Variants in MGMT observed in about 807,000 individuals in gnomAD.
The protein encoded by MGMT is methylated-DNA--protein-cysteine methyltransferase.
In MGMT, 14 loss-of-function variants were observed where a neutral mutation model predicts 15.9. The observed-to-expected ratio is 0.88, with a 90% CI of 0.58 to 1.37. The LOEUF is 1.37. Ranked by LOEUF, MGMT falls within the 40% of genes most tolerant of loss-of-function variation. MGMT has a pLI of 0.00. For synonymous variants in MGMT, 130 were observed against 118.2 expected (o/e 1.10, Z -0.65); for missense variants, 282 against 268.1 (o/e 1.05, Z -0.36).
chr10:129,684,809 G>T (rs188381984), intron 2 of MGMT, among the ~76,000 whole-genome samples: 131 of 152,320 alleles, frequency 8.6e-4, no homozygotes, highest in African/African-American at 3.0e-3. Context: ...AGGAGGAAAT[G>T]CAGAATTCTG....
rs1317435628 is a variant in MGMT, at chr10:129,770,862, C to G, written c.*3865C>G. Among the ~76,000 whole-genome samples the G allele has an allele frequency of 8.1e-6, 1 of 122,786 alleles. No individual in the cohort carries two copies. Among genetic ancestry groups the G allele is most frequent in the Non-Finnish European group, 1.7e-5 (1 of 60,312 alleles). 80.6% of individuals were successfully genotyped at this position (122,786 alleles called of 152,430 possible). A position where few individuals can be genotyped will look rare whatever the true frequency, so the allele number is the denominator to read the frequency against. On this transcript the variant is annotated 3_prime_UTR_variant, in exon 5 of 5. Transcript: ENST00000651593. ...GGGCAGTGGAGTCCCCGGAAACAGTCCAAGGCCCTGGGGTGGGGGATTTAA... is the reference window on the plus strand; with the variant it reads ...GGGCAGTGGAGTCCCCGGAAACAGTGCAAGGCCCTGGGGTGGGGGATTTAA...
intron 1 of MGMT, among the ~76,000 whole-genome samples, chr10:129,520,122 C>T (rs1362899658): frequency 6.6e-6 from 1 of 152,178 alleles, no homozygotes; most frequent in African/African-American, 2.4e-5. Flanking sequence ...GAGCTCATGA[C>T]GTGTTCATCA....
intron 2 of MGMT, among the ~76,000 whole-genome samples, chr10:129,615,699 T>C (rs1847017173): frequency 6.6e-6 from 1 of 152,154 alleles, no homozygotes; most frequent in South Asian, 2.1e-4. Flanking sequence ...GGGTGTGGGC[T>C]GGGTGCATCT....
chr10:129,721,269 T>C (rs1848368006), intron 3 of MGMT, among the ~76,000 whole-genome samples: 1 of 152,278 alleles, frequency 6.6e-6, no homozygotes, highest in Non-Finnish European at 1.5e-5. Context: ...TTCTAGGTTG[T>C]GTGCCCTAGT....
chr10:129,480,033 A>G (rs549783887), intron 1 of MGMT, among the ~76,000 whole-genome samples: 2 of 152,220 alleles, frequency 1.3e-5, no homozygotes, highest in South Asian at 4.1e-4. Flanking sequence ...AACTAGCTAT[A>G]TTTTCCATAA....
chr10:129,684,926 G>A (rs1847888882), intron 2 of MGMT, among the ~76,000 whole-genome samples: 1 of 152,210 alleles, frequency 6.6e-6, no homozygotes, highest in South Asian at 2.1e-4. Context: ...GAACTTGCTG[G>A]AGGAACCAGA....
In MGMT at chr10:129,736,271, A is replaced by T. The variant is rs1041032406; in HGVS notation, c.275-22931A>T. Among the ~76,000 whole-genome samples the T allele has an allele frequency of 7.9e-4, 119 of 150,542 alleles. 1 individual carries two copies. Among genetic ancestry groups the T allele is most frequent in the Admixed American group, 2.2e-3 (33 of 15,150 alleles). On this transcript the variant is annotated intron_variant, in intron 3 of 4. Transcript: ENST00000651593. ...TGTATTGGGTGCATATATATTTAGG[A>T]TAGTTAGCTCTTCTTGTTGAATTGA...
intron 1 of MGMT, among the ~76,000 whole-genome samples, chr10:129,484,804 A>G (rs1294379087): frequency 6.6e-6 from 1 of 152,080 alleles, no homozygotes; most frequent in African/African-American, 2.4e-5. Context: ...CTTTTTTTAA[A>G]AAAAGGTTTT....
intron 3 of MGMT, among the ~76,000 whole-genome samples, chr10:129,725,216 G>A (rs942040444): frequency 5.9e-5 from 9 of 152,328 alleles, no homozygotes; most frequent in South Asian, 4.1e-4. Flanking sequence ...CAGCTTCCAC[G>A]CAAGTGGAAG....
chr10:129,619,307 A>G (rs1455054471), intron 2 of MGMT, among the ~76,000 whole-genome samples: 1 of 152,164 alleles, frequency 6.6e-6, no homozygotes, highest in African/African-American at 2.4e-5. Context: ...GATAAGTGCC[A>G]CTTGCTTTGA....
intron 2 of MGMT, among the ~76,000 whole-genome samples, chr10:129,589,667 C>T (rs759032734): frequency 5.3e-5 from 8 of 152,320 alleles, no homozygotes; most frequent in Non-Finnish European, 7.3e-5. Flanking sequence ...CTATGGCCTG[C>T]GGCGGGGCTG....
chr10:129,614,452 T>A (rs1846998914), intron 2 of MGMT, among the ~76,000 whole-genome samples: 1 of 152,196 alleles, frequency 6.6e-6, no homozygotes, highest in South Asian at 2.1e-4. Flanking sequence ...CTGTGCTCGC[T>A]ATGACTTCTT....
At chr10:129,546,177 T>C (rs376661163) in intron 2 of MGMT, among the ~76,000 whole-genome samples, 12 of 152,204 alleles carry the variant, frequency 7.9e-5, no homozygotes, top group African/African-American at 2.9e-4. Flanking sequence ...AGGCCCTGCA[T>C]GGGGTGGGGA....
chr10:129,592,314 C>T (rs147867458), intron 2 of MGMT, among the ~76,000 whole-genome samples: 408 of 152,256 alleles, frequency 2.7e-3, no homozygotes, highest in Non-Finnish European at 4.3e-3. Context: ...GAAACTTGCA[C>T]CTACTGCCGT....
chr10:129,711,450 T>C (rs1201390394), intron 3 of MGMT, among the ~76,000 whole-genome samples: 4 of 152,266 alleles, frequency 2.6e-5, no homozygotes, highest in African/African-American at 7.2e-5. Flanking sequence ...TGCCTCATTG[T>C]GAGGTTGGGA....
At chr10:129,651,223 C>T (rs2026976) in intron 2 of MGMT, among the ~76,000 whole-genome samples, 2 of 151,986 alleles carry the variant, frequency 1.3e-5, no homozygotes, top group Admixed American at 6.6e-5. Context: ...GCTCAGGTCC[C>T]GTCTTGGCCT....
At chr10:129,479,955 T>G (rs1052178761) in intron 1 of MGMT, among the ~76,000 whole-genome samples, 1 of 152,214 alleles carries the variant, frequency 6.6e-6, no homozygotes, top group African/African-American at 2.4e-5. Flanking sequence ...AGTGAGAAAT[T>G]TTAAAATATT....
intron 2 of MGMT, among the ~76,000 whole-genome samples, chr10:129,548,135 C>T (rs1376098012): frequency 6.6e-6 from 1 of 152,166 alleles, no homozygotes; most frequent in Non-Finnish European, 1.5e-5. Flanking sequence ...TAAGACTTAA[C>T]CCATTATAGT....
intron 1 of MGMT, among the ~76,000 whole-genome samples, chr10:129,514,900 A>T (rs1845721727): frequency 6.6e-6 from 1 of 152,218 alleles, no homozygotes; most frequent in South Asian, 2.1e-4. Context: ...CACAGTGAGC[A>T]TGCCCCACCC....
Sources: gnomAD v4.1 joint callset for allele counts (sites outside exome capture counted in the v4.1 genomes callset) on GRCh38, gnomAD v4.1.1 for gene constraint, MANE v1.5 for transcripts, NCBI Gene and HGNC (gene_info 2026-07-23, HGNC 2026-07-21) for gene names.